Variants in LRRIQ3 observed in about 807,000 individuals in gnomAD.
The protein encoded by LRRIQ3 is leucine-rich repeat and IQ domain-containing protein 3.
In LRRIQ3, 75 loss-of-function variants were observed where a neutral mutation model predicts 59.3. The observed-to-expected ratio is 1.26, with a 90% CI of 1.05 to 1.53. LRRIQ3 has a LOEUF of 1.53. LRRIQ3 is among the 40% of genes most tolerant of loss of function. LRRIQ3 has a pLI of 0.00. For synonymous variants in LRRIQ3, 250 were observed against 231.3 expected, an observed-to-expected ratio of 1.08 and a Z score of -0.73; for missense variants, 831 against 710.0, an observed-to-expected ratio of 1.17 and a Z score of -1.94.
chr1:74,055,899 C>T (rs1483959309), intron 6 of LRRIQ3, among the ~76,000 whole-genome samples: 1 of 152,054 alleles, frequency 6.6e-6, no homozygotes, highest in Admixed American at 6.6e-5. Flanking sequence ...AATTCCAGCA[C>T]TTTGGGAGGC....
intron 3 of LRRIQ3, among the ~76,000 whole-genome samples, chr1:74,159,330 C>T (rs1046420277): frequency 6.6e-6 from 1 of 152,072 alleles, no homozygotes; most frequent in Non-Finnish European, 1.5e-5. Flanking sequence ...ATAAGCTCAC[C>T]AAATTTAACA....
At chr1:74,153,452 C>A (rs1421049749) in intron 4 of LRRIQ3, among the ~76,000 whole-genome samples, 1 of 152,116 alleles carries the variant, frequency 6.6e-6, no homozygotes, top group Non-Finnish European at 1.5e-5. Flanking sequence ...TCTATAGTTG[C>A]CTCTCAGGGG....
chr1:74,118,759 G>A (rs2100581161), intron 4 of LRRIQ3, among the ~76,000 whole-genome samples: 1 of 152,198 alleles, frequency 6.6e-6, no homozygotes, highest in Admixed American at 6.6e-5. Context: ...TGTGGAAGCT[G>A]GCAAGTCTGA....
chr1:74,111,858 TGG>T (rs1646699824), intron 4 of LRRIQ3, among the ~76,000 whole-genome samples: 1 of 152,036 alleles, frequency 6.6e-6, no homozygotes, highest in Admixed American at 6.6e-5. Context: ...TTGAGGGCTA[TGG>T]TATTTTCACA....
At chr1:74,052,011 A>C (rs1654385898) in intron 6 of LRRIQ3, among the ~76,000 whole-genome samples, 1 of 152,118 alleles carries the variant, frequency 6.6e-6, no homozygotes. Context: ...ACTATGAATC[A>C]GTCCGTTAAT....
intron 5 of LRRIQ3, among the ~76,000 whole-genome samples, chr1:74,099,674 C>T (rs1010673085): frequency 3.3e-5 from 5 of 152,038 alleles, no homozygotes; most frequent in South Asian, 2.1e-4. Context: ...ACTAGCAAAC[C>T]GAATCCAGCA....
chr1:74,031,952 A>C (rs1432301581), intron 7 of LRRIQ3, among the ~76,000 whole-genome samples: 2 of 151,994 alleles, frequency 1.3e-5, no homozygotes, highest in Non-Finnish European at 2.9e-5. Flanking sequence ...ATACCTAAAA[A>C]TGATAAAATA....
intron 3 of LRRIQ3, chr1:74,181,543 T>C (rs1376539600): frequency 1.3e-5 from 2 of 151,868 alleles, no homozygotes; most frequent in Non-Finnish European, 3.0e-5. Flanking sequence ...GTCATGCCTG[T>C]TGCCACCTTT....
intron 5 of LRRIQ3, among the ~76,000 whole-genome samples, chr1:74,076,640 A>G (rs1646213500): frequency 6.6e-6 from 1 of 151,998 alleles, no homozygotes; most frequent in South Asian, 2.1e-4. Flanking sequence ...AGACACTTGG[A>G]TATGTGCCTT....
At chr1:74,164,795 A>G in intron 3 of LRRIQ3, among the ~76,000 whole-genome samples, 1 of 151,590 alleles carries the variant, frequency 6.6e-6, no homozygotes, top group East Asian at 1.9e-4. Context: ...TACATCTTAC[A>G]CAACTGCTTG....
At chr1:74,050,608 C>G (rs2100414743) in intron 6 of LRRIQ3, 1 of 983,730 alleles carries the variant, frequency 1.0e-6, no homozygotes, top group Admixed American at 6.1e-5. Flanking sequence ...TATTTAAAAT[C>G]AGCATAGCTG....
At chr1:74,154,363 C>T (rs1470590797) in intron 4 of LRRIQ3, among the ~76,000 whole-genome samples, 1 of 149,390 alleles carries the variant, frequency 6.7e-6, no homozygotes, top group African/African-American at 2.5e-5. Context: ...CTTTTTTTAT[C>T]CCCTGTTCTT....
intron 5 of LRRIQ3, among the ~76,000 whole-genome samples, chr1:74,100,442 T>G (rs945745887): frequency 3.9e-5 from 6 of 152,136 alleles, no homozygotes; most frequent in Non-Finnish European, 5.9e-5. Flanking sequence ...TCCATGCTCA[T>G]GGATAGGAAG....
At chr1:74,131,280 G>A (rs552546327) in intron 4 of LRRIQ3, among the ~76,000 whole-genome samples, 56 of 152,148 alleles carry the variant, frequency 3.7e-4, no homozygotes, top group African/African-American at 1.3e-3. Context: ...ATTCACAGCC[G>A]AATTCTACTA....
chr1:74,180,735 T>C, intron 3 of LRRIQ3: 1 of 1,550,246 alleles, frequency 6.5e-7, no homozygotes, highest in South Asian at 1.2e-5. Context: ...TGTCCAATAT[T>C]GGGTAAGTTC....
Position 74,029,591 on chromosome 1 carries a change from T to A in LRRIQ3, c.1719-2622A>T, listed in dbSNP as rs527776996. 4.6e-5 allele frequency among the ~76,000 whole-genome samples: 7 copies of A among 152,224 alleles called. No homozygotes were observed. In the South Asian group the frequency reaches 1.0e-3, roughly 23 times the overall value. On this transcript the variant is annotated intron_variant, in intron 7 of 7. Coordinates refer to ENST00000354431, the MANE Select transcript of LRRIQ3 (RefSeq NM_001105659.2). ...TAAGATTTTTGATCTACTGCTGGAC[T>A]TGGTATGCCAGTATTTTATTGAGGA...
At chr1:74,191,910 A>T (rs1028618473) in intron 1 of LRRIQ3, among the ~76,000 whole-genome samples, 1 of 152,098 alleles carries the variant, frequency 6.6e-6, no homozygotes, top group Non-Finnish European at 1.5e-5. Context: ...AGTAAATATG[A>T]GAAAATTTTT....
chr1:74,057,222 T>A (rs558417468), intron 6 of LRRIQ3, among the ~76,000 whole-genome samples: 9 of 152,130 alleles, frequency 5.9e-5, no homozygotes, highest in East Asian at 1.9e-4. Context: ...TAGAAAAAAA[T>A]TCCCCAAATT....
chr1:74,106,432 C>T (rs912101291), intron 5 of LRRIQ3, among the ~76,000 whole-genome samples: 1 of 151,878 alleles, frequency 6.6e-6, no homozygotes, highest in African/African-American at 2.4e-5. Flanking sequence ...TTGGGAAATG[C>T]CCCCATCTAT....
Sources: allele counts gnomAD v4.1 joint callset (sites outside exome capture counted in the v4.1 genomes callset), GRCh38; gene constraint gnomAD v4.1.1; transcripts MANE v1.5; gene names NCBI Gene and HGNC (gene_info 2026-07-23, HGNC 2026-07-21).